The following PGS1 variants were observed in gnomAD, a reference collection of about 807,000 sequenced individuals.
The protein encoded by PGS1 is phosphatidylglycerophosphate synthase 1.
A neutral mutation model predicts 58.3 loss-of-function variants in PGS1; 44 were observed. The observed-to-expected ratio is 0.75, with a 90% confidence interval of 0.59 to 0.97. The LOEUF is 0.97. Ranked by LOEUF, PGS1 falls within the 50% of genes least tolerant of loss-of-function variation. PGS1 has a pLI of 0.00. For missense variants in PGS1, 684 were observed against 731.1 expected, an observed-to-expected ratio of 0.94 and a Z score of 0.74; for synonymous variants, 330 against 311.0, an observed-to-expected ratio of 1.06 and a Z score of -0.64.
intron 6 of PGS1, among the ~76,000 whole-genome samples, chr17:78,402,436 A>G (rs2083760776): frequency 6.6e-6 from 1 of 151,720 alleles, no homozygotes; most frequent in African/African-American, 2.4e-5. Context: ...ATACACACAC[A>G]CACACACATA....
intron 2 of PGS1, among the ~76,000 whole-genome samples, chr17:78,393,206 G>T: frequency 6.6e-6 from 1 of 151,902 alleles, no homozygotes; most frequent in East Asian, 1.9e-4. Flanking sequence ...GACTACAGGC[G>T]CCTGCCACCA....
intron 7 of PGS1, among the ~76,000 whole-genome samples, chr17:78,407,276 G>A (rs2084235525): frequency 6.6e-6 from 1 of 152,190 alleles, no homozygotes; most frequent in South Asian, 2.1e-4. Context: ...GGAACCAGAG[G>A]TCAGAGGTCA....
chr17:78,414,911 C>T lies in PGS1; in HGVS notation c.1435C>T (p.Pro479Ser). Residue 479 changes from proline (P) to serine (S), a missense_variant, in exon 8 of 10, where the codon CCC becomes TCC. Transcript: ENST00000262764. The part of the protein sequence containing the change: ...LWLYLAGSSL[P>S]CLTLIGSPNF... Reference sequence around the variant, plus strand: ...GCTGTACCTGGCAGGGAGCAGCCTGCCCTGTCTCACGCTGATTGGCTCTCC... The same window carrying T: ...GCTGTACCTGGCAGGGAGCAGCCTGTCCTGTCTCACGCTGATTGGCTCTCC... 6.2e-7 allele frequency: 1 copy of T among 1,614,140 alleles called. No homozygotes were observed.
intron 8 of PGS1, among the ~76,000 whole-genome samples, chr17:78,417,572 C>T (rs941379579): frequency 2.0e-5 from 3 of 152,180 alleles, no homozygotes; most frequent in Non-Finnish European, 2.9e-5. Flanking sequence ...CCCTTCCTGA[C>T]CCCCCGGGGC....
At position 78,387,887 on chromosome 17, in the gene PGS1, C is replaced by T. The variant is rs1273719985; in HGVS notation, c.144-4589C>T. 7.2e-5 allele frequency among the ~76,000 whole-genome samples: 11 copies of T among 152,168 alleles called. No homozygotes were observed. The East Asian group carries it at 9.6e-4, about 13-fold the overall frequency. On this transcript the variant is annotated intron_variant, in intron 1 of 9. Coordinates refer to ENST00000262764, the MANE Select transcript of PGS1 (RefSeq NM_024419.5). Reference sequence around the variant, plus strand: ...CACTGGGATTATAGGCACATGCTACCGTGCCTGGCCATTTAGTTTTTTTGA... The same window carrying T: ...CACTGGGATTATAGGCACATGCTACTGTGCCTGGCCATTTAGTTTTTTTGA...
chr17:78,389,816 A>C (rs891287098), intron 1 of PGS1, among the ~76,000 whole-genome samples: 1 of 149,910 alleles, frequency 6.7e-6, no homozygotes, highest in Non-Finnish European at 1.5e-5. Context: ...GGGTTTCACC[A>C]TATTGGCCAG....
rs554853147 is a variant in PGS1, at chr17:78,401,561, A to G, written c.880+706A>G. 2.0e-5 allele frequency among the ~76,000 whole-genome samples: 3 copies of G among 152,258 alleles called. No individual in the cohort carries two copies. The East Asian group carries it at 5.8e-4, about 29-fold the overall frequency. Reference sequence around the variant, plus strand: ...CTGCTGGATTTGCAGCAGTGTCTGAACTTGGGGAGGAGGAGCTGAAGTTGG... The same window carrying G: ...CTGCTGGATTTGCAGCAGTGTCTGAGCTTGGGGAGGAGGAGCTGAAGTTGG... On this transcript the variant is annotated intron_variant, in intron 6 of 9. Transcript: ENST00000262764.
chr17:78,411,872 G>C (rs984095416), intron 7 of PGS1, among the ~76,000 whole-genome samples: 1 of 151,306 alleles, frequency 6.6e-6, no homozygotes, highest in African/African-American at 2.4e-5. Flanking sequence ...CCTAGAGCGA[G>C]GGAGATGAAA....
chr17:78,393,459 A>G (rs985922013), intron 2 of PGS1, among the ~76,000 whole-genome samples: 4 of 152,232 alleles, frequency 2.6e-5, no homozygotes, highest in African/African-American at 4.8e-5. Context: ...CCCGTGGGTC[A>G]CATGGGTATG....
chr17:78,416,717 C>T lies in PGS1; in HGVS notation c.1551+1690C>T, dbSNP rs929810824. Among the ~76,000 whole-genome samples, 3 of 152,212 alleles carry T rather than the reference C, an allele frequency of 2.0e-5. No homozygotes were observed. The East Asian group carries it at 5.8e-4, about 29-fold the overall frequency. On this transcript the variant is annotated intron_variant, in intron 8 of 9. Transcript: ENST00000262764. ...GAGGGTGGTAGGTCTGCTACTGTAGCTCTTCCATTCTTTAGGGATAGACTG... is the reference window on the plus strand; with the variant it reads ...GAGGGTGGTAGGTCTGCTACTGTAGTTCTTCCATTCTTTAGGGATAGACTG...
rs369680559 is a variant in PGS1 at position 78,398,339 on chromosome 17, C to T, written c.499C>T (p.Arg167Trp). ...LKVSILLDFT[R>W]GSRGRKNSRT... ...GGTCTCCATTCTCTTAGACTTCACG[C>T]GGGGCTCACGAGGTAGGTGGCATGC... Residue 167 changes from arginine (R) to tryptophan (W), a missense_variant, in exon 4 of 10, where the codon CGG (arginine) becomes TGG (tryptophan). Physicochemically the swap from Arg to Trp is moderately radical, Grantham distance 101. Transcript: ENST00000262764. 1.8e-5 allele frequency: 29 copies of T among 1,612,540 alleles called. No individual in the cohort carries two copies. The highest frequency in any genetic ancestry group is 2.0e-5 in the Non-Finnish European group (23 of 1,178,778).
At chr17:78,423,897 A>G (rs748666814) in intron 9 of PGS1, 164 bp from the exon 10 acceptor site, 1 of 1,613,602 alleles carries the variant, frequency 6.2e-7, no homozygotes, top group African/African-American at 1.3e-5. Flanking sequence ...GCTGTGAGGC[A>G]GGAGCGAGCT....
At chr17:78,401,721 T>G (rs1479850404) in intron 6 of PGS1, among the ~76,000 whole-genome samples, 1 of 152,218 alleles carries the variant, frequency 6.6e-6, no homozygotes, top group Non-Finnish European at 1.5e-5. Context: ...GGTGTGATGC[T>G]CTGCCTGCCG....
intron 1 of PGS1, among the ~76,000 whole-genome samples, chr17:78,379,947 ATC>A (rs957003388): frequency 6.6e-6 from 1 of 151,048 alleles, no homozygotes; most frequent in African/African-American, 2.4e-5. Flanking sequence ...GCTCACCTCA[ATC>A]TCCACCTTCC....
chr17:78,395,436 A>T (rs1489636105), intron 2 of PGS1, among the ~76,000 whole-genome samples: 1 of 152,108 alleles, frequency 6.6e-6, no homozygotes, highest in Non-Finnish European at 1.5e-5. Context: ...TTGACAATGC[A>T]GGGTGGGCTG....
chr17:78,387,748 C>CAT, intron 1 of PGS1, among the ~76,000 whole-genome samples: 1 of 151,770 alleles, frequency 6.6e-6, no homozygotes, highest in Non-Finnish European at 1.5e-5. Flanking sequence ...TACAGGTGCA[C>CAT]GCCACCATGC....
At chr17:78,422,008 T>TCATTTCTTGGAAAGTTTA (rs1376721673) in intron 9 of PGS1, 6 of 152,352 alleles carry the variant, frequency 3.9e-5, no homozygotes, top group African/African-American at 1.4e-4. Context: ...TAAGTGCGAA[T>TCATTTCTTGGAAAGTTTA]CATTTCTTGG....
intron 9 of PGS1, chr17:78,421,254 G>A (rs961131706): frequency 1.3e-5 from 2 of 150,390 alleles, no homozygotes; most frequent in African/African-American, 4.9e-5. Context: ...TCATCTTCAG[G>A]TGCTTGACCC....
At chr17:78,410,837 T>G (rs375558026) in intron 7 of PGS1, among the ~76,000 whole-genome samples, 2 of 152,112 alleles carry the variant, frequency 1.3e-5, no homozygotes, top group South Asian at 4.1e-4. Flanking sequence ...TCAGTTTGTT[T>G]ATTTCATTCA....
Sources: allele counts gnomAD v4.1 joint callset (sites outside exome capture counted in the v4.1 genomes callset), GRCh38; gene constraint gnomAD v4.1.1; transcripts MANE v1.5; gene names NCBI Gene and HGNC (gene_info 2026-07-23, HGNC 2026-07-21).